Variants in CSMD2 observed in about 807,000 individuals in gnomAD.
The protein encoded by CSMD2 is CUB and Sushi multiple domains 2, also known as CUB and sushi domain-containing protein 2.
Under a neutral mutation model 398.5 loss-of-function variants are expected in CSMD2, and 130 were observed. The ratio of observed to expected loss-of-function variants is 0.33; its 90% CI spans 0.28 to 0.38. CSMD2 has a LOEUF of 0.38. Among genes scored for constraint, CSMD2 ranks in the 10% least tolerant of loss-of-function variants. The probability of loss-of-function intolerance (pLI) is 1.00; values close to 1 mark genes in which losing one functional copy is unlikely to be tolerated. For synonymous variants in CSMD2, 1,828 were observed against 1,908.5 expected, an observed-to-expected ratio of 0.96 and a Z score of 1.10; for missense variants, 3,829 against 4,764.9, an observed-to-expected ratio of 0.80 and a Z score of 5.78.
At chr1:33,571,264 G>A (rs2148693775) in intron 51 of CSMD2, among the ~76,000 whole-genome samples, 1 of 152,244 alleles carries the variant, frequency 6.6e-6, no homozygotes, top group East Asian at 1.9e-4. Context: ...AAGAGCCTAA[G>A]AATATTAAAG....
At chr1:33,843,609 G>C (rs1056917444) in intron 6 of CSMD2, among the ~76,000 whole-genome samples, 1 of 152,150 alleles carries the variant, frequency 6.6e-6, no homozygotes, top group Non-Finnish European at 1.5e-5. Context: ...GCCCCAAGAA[G>C]CTGATCTCTG....
At chr1:34,116,656 A>G (rs966489697) in intron 1 of CSMD2, among the ~76,000 whole-genome samples, 1 of 152,140 alleles carries the variant, frequency 6.6e-6, no homozygotes, top group Non-Finnish European at 1.5e-5. Context: ...CCAAATAGAC[A>G]TATCTAGAAT....
At chr1:33,629,627 C>T (rs58770634) in intron 32 of CSMD2, among the ~76,000 whole-genome samples, 251 of 152,238 alleles carry the variant, frequency 1.6e-3, no homozygotes, top group African/African-American at 5.8e-3. Flanking sequence ...TCTCCCCCAA[C>T]GCAACTCAGG....
intron 25 of CSMD2, among the ~76,000 whole-genome samples, chr1:33,669,170 T>C (rs1239544357): frequency 4.6e-5 from 7 of 152,206 alleles, no homozygotes; most frequent in African/African-American, 1.7e-4. Flanking sequence ...ACCATGTCTG[T>C]CTGGTACCAA....
At chr1:33,770,548 TTCC>T (rs1311835465) in intron 13 of CSMD2, among the ~76,000 whole-genome samples, 4 of 152,236 alleles carry the variant, frequency 2.6e-5, no homozygotes, top group Admixed American at 2.0e-4. Flanking sequence ...TCCCTCTGGC[TTCC>T]TCCATGGAAG....
intron 46 of CSMD2, among the ~76,000 whole-genome samples, chr1:33,585,921 T>G (rs1247122816): frequency 1.3e-5 from 2 of 152,242 alleles, no homozygotes; most frequent in Non-Finnish European, 2.9e-5. Flanking sequence ...ATAAGTACTA[T>G]CATTATCCTC....
At chr1:33,969,852 C>T (rs190557983) in intron 3 of CSMD2, among the ~76,000 whole-genome samples, 560 of 152,164 alleles carry the variant, frequency 3.7e-3, no homozygotes, top group African/African-American at 0.012. Context: ...GTGGCTCACG[C>T]CTGTAATCTC....
rs1417019646 is a variant in CSMD2 at position 33,518,181 on chromosome 1, TC to T, written c.*53+1283del. On this transcript the variant is annotated intron_variant, in intron 70 of 70. Coordinates refer to ENST00000373381, the MANE Select transcript of CSMD2 (RefSeq NM_001281956.2). This position sits in a 1 kb window ranked among gnomAD's most constrained non-coding sequence, Gnocchi z 4.3. ...GGACCTGAGAGGGGGCACCTGCCTA[TC>T]CCCAGAAAGCGGGATGTGTGGGAGA... 6.6e-6 allele frequency among the ~76,000 whole-genome samples: 1 copy of T among 152,170 alleles called. No homozygotes were observed. Among genetic ancestry groups the T allele is most frequent in the Non-Finnish European group, 1.5e-5 (1 of 68,026 alleles).
intron 7 of CSMD2, among the ~76,000 whole-genome samples, chr1:33,823,229 G>A (rs768191397): frequency 4.6e-5 from 7 of 152,246 alleles, no homozygotes; most frequent in East Asian, 3.9e-4. Flanking sequence ...CAAACCCAAC[G>A]GTGACGCGGC....
intron 9 of CSMD2, among the ~76,000 whole-genome samples, chr1:33,815,987 C>T (rs1047696627): frequency 6.6e-6 from 1 of 152,012 alleles, no homozygotes; most frequent in Non-Finnish European, 1.5e-5. Context: ...TAATGAAATC[C>T]ACCAAGAAGA....
chr1:33,528,344 T>C (rs1316709091), intron 64 of CSMD2, among the ~76,000 whole-genome samples: 1 of 152,260 alleles, frequency 6.6e-6, no homozygotes, highest in Non-Finnish European at 1.5e-5. Context: ...TCTTTTCTTC[T>C]TTTGCAGAGA....
At chr1:33,754,591 A>T (rs1041406703) in intron 13 of CSMD2, among the ~76,000 whole-genome samples, 21 of 152,384 alleles carry the variant, frequency 1.4e-4, no homozygotes, top group Middle Eastern at 3.4e-3. Flanking sequence ...TCTGAGTTCA[A>T]TGTAAGTAGT....
rs112089421 is a variant in CSMD2 at position 34,134,080 on chromosome 1, A to C, written c.187+30831T>G. On this transcript the variant is annotated intron_variant, in intron 1 of 70. Transcript: ENST00000373381. ...AAAAAAAAAAAAAAAAAAAAAAAAT[A>C]CTGAGCAGCTCTGGCAGCCAAACAG... 7.8e-3 allele frequency among the ~76,000 whole-genome samples: 977 copies of C among 125,546 alleles called. 21 individuals carry two copies. Among genetic ancestry groups the C allele is most frequent in the African/African-American group, 0.026 (880 of 33,980 alleles). 82.4% of individuals were successfully genotyped at this position (125,546 alleles called of 152,430 possible). A position where few individuals can be genotyped will look rare whatever the true frequency, so the allele number is the denominator to read the frequency against.
intron 3 of CSMD2, among the ~76,000 whole-genome samples, chr1:33,968,264 C>A (rs1232177116): frequency 6.6e-6 from 1 of 152,154 alleles, no homozygotes; most frequent in Admixed American, 6.6e-5. Flanking sequence ...GTCTTAAGCC[C>A]GCTAACCTCT....
chr1:34,140,317 C>CAA lies in CSMD2; in HGVS notation c.187+24592_187+24593dup, dbSNP rs35742065. Among the ~76,000 whole-genome samples, 516 of 137,822 alleles carry CAA rather than the reference C, an allele frequency of 3.7e-3. 1 individual carries two copies. The highest frequency in any genetic ancestry group is 7.0e-3 in the Admixed American group (92 of 13,182). The allele number at this position is 137,822 out of a possible 152,430, so 90.4% of individuals were successfully genotyped here. On this transcript the variant is annotated intron_variant, in intron 1 of 70. Transcript: ENST00000373381. ...GCAAAAAAACAAACAAACAAACAAA[C>CAA]AAAAAAAAACCCAGCGGCAGAAGAA...
chr1:33,832,923 C>A (rs138079472), intron 6 of CSMD2, among the ~76,000 whole-genome samples: 3,065 of 152,236 alleles, frequency 0.02, 112 homozygotes, highest in African/African-American at 0.07. Context: ...AATTCCTAGA[C>A]ACATACACCC....
intron 15 of CSMD2, among the ~76,000 whole-genome samples, chr1:33,729,842 G>T (rs1241156613): frequency 2.0e-5 from 3 of 152,172 alleles, no homozygotes; most frequent in Non-Finnish European, 4.4e-5. Context: ...AAGGATTCTA[G>T]GACCTTGCTG....
chr1:33,919,771 A>G (rs1011850129), intron 4 of CSMD2, among the ~76,000 whole-genome samples: 1 of 152,216 alleles, frequency 6.6e-6, no homozygotes, highest in African/African-American at 2.4e-5. Context: ...GTGATAGCAC[A>G]TAGTTAGGAA....
intron 1 of CSMD2, among the ~76,000 whole-genome samples, chr1:34,127,025 G>A (rs1638397445): frequency 6.6e-6 from 1 of 152,112 alleles, no homozygotes; most frequent in South Asian, 2.1e-4. Context: ...CAAGAGGACA[G>A]AAAAAGAAAC....
Sources: gnomAD v4.1 joint callset for allele counts (sites outside exome capture counted in the v4.1 genomes callset) on GRCh38, gnomAD v4.1.1 for gene constraint, Gnocchi (gnomAD v3.1) non-coding constraint, MANE v1.5 for transcripts, NCBI Gene and HGNC (gene_info 2026-07-23, HGNC 2026-07-21) for gene names.